Variants in ASIC2 observed in about 807,000 individuals in gnomAD.
ASIC2 encodes the protein acid sensing ion channel subunit 2.
Under a neutral mutation model 57.3 loss-of-function variants are expected in ASIC2, and 25 were observed. That is an observed-to-expected ratio of 0.44 (90% confidence interval 0.32 to 0.61). ASIC2 has a LOEUF of 0.61. Ranked by LOEUF, ASIC2 falls within the 20% of genes least tolerant of loss-of-function variation. The probability of loss-of-function intolerance (pLI) is 0.06; values close to 1 mark genes in which losing one functional copy is unlikely to be tolerated. For synonymous variants in ASIC2, 319 were observed against 307.5 expected, an observed-to-expected ratio of 1.04 and a Z score of -0.39; for missense variants, 641 against 738.1, an observed-to-expected ratio of 0.87 and a Z score of 1.52.
intron 1 of ASIC2, among the ~76,000 whole-genome samples, chr17:33,253,606 C>T (rs1908958544): frequency 1.3e-5 from 2 of 152,212 alleles, no homozygotes; most frequent in Admixed American, 1.3e-4. Context: ...CTAGCATTTG[C>T]TGGCAGATAG....
intron 1 of ASIC2, among the ~76,000 whole-genome samples, chr17:33,331,840 C>T (rs1907323064): frequency 6.6e-6 from 1 of 152,206 alleles, no homozygotes; most frequent in African/African-American, 2.4e-5. Context: ...CGTAGTCATT[C>T]TGCTAGAAGC....
chr17:34,054,096 T>A (rs1031491983), intron 1 of ASIC2, among the ~76,000 whole-genome samples: 1 of 152,262 alleles, frequency 6.6e-6, no homozygotes, highest in African/African-American at 2.4e-5. Flanking sequence ...AACCGTATGT[T>A]CTTTTCATGG....
chr17:34,088,300 G>A (rs1910186482), intron 1 of ASIC2, among the ~76,000 whole-genome samples: 1 of 152,314 alleles, frequency 6.6e-6, no homozygotes, highest in South Asian at 2.1e-4. Flanking sequence ...GTTTGCTAGA[G>A]GTCCACTCCA....
rs9747525 is a variant in ASIC2, at chr17:33,912,244, G to A, written c.555+243734C>T. Reference sequence around the variant, plus strand: ...TGTGGTGGCTCACGCCTGTAATCCCGGCGCATTGTAGGCTGAGGCATGTGG... The same window carrying A: ...TGTGGTGGCTCACGCCTGTAATCCCAGCGCATTGTAGGCTGAGGCATGTGG... On this transcript the variant is annotated intron_variant, in intron 1 of 9. Coordinates refer to the ASIC2 transcript ENST00000359872. Among the ~76,000 whole-genome samples, 1,370 of 151,152 alleles carry A rather than the reference G, an allele frequency of 9.1e-3. 23 individuals are homozygous for A. Among genetic ancestry groups the A allele is most frequent in the African/African-American group, 0.03 (1,238 of 41,196 alleles).
intron 1 of ASIC2, chr17:33,793,765 C>T (rs188137330): frequency 3.9e-5 from 6 of 152,284 alleles, no homozygotes; most frequent in Admixed American, 2.0e-4. Flanking sequence ...CTTCTATCTA[C>T]CAAGTCCGTG....
intron 3 of ASIC2, among the ~76,000 whole-genome samples, chr17:33,086,776 C>T (rs760664252): frequency 8.5e-5 from 13 of 152,150 alleles, no homozygotes; most frequent in Non-Finnish European, 1.5e-4. Context: ...GAATATAGGG[C>T]CCCTGTCTCC....
intron 1 of ASIC2, among the ~76,000 whole-genome samples, chr17:33,643,602 G>T (rs980894946): frequency 1.8e-4 from 27 of 152,148 alleles, no homozygotes; most frequent in Non-Finnish European, 1.0e-4. Context: ...TAGGAGAGTC[G>T]AAAAGAAAGA....
In ASIC2 at chr17:33,857,919, A is replaced by G. The variant is rs1292700733; in HGVS notation, c.555+298059T>C. On this transcript the variant is annotated intron_variant, in intron 1 of 9. Transcript: ENST00000359872. ...AACAGGACATGGACCAAGACCTATA[A>G]TGAGCAGACGCCTGTTCACAGTCAG... Among the ~76,000 whole-genome samples, 8 of 152,352 alleles carry G rather than the reference A, an allele frequency of 5.3e-5. No homozygotes were observed. In the East Asian group the frequency reaches 1.5e-3, roughly 29 times the overall value.
intron 1 of ASIC2, among the ~76,000 whole-genome samples, chr17:33,280,015 A>C (rs1340858982): frequency 6.6e-6 from 1 of 152,048 alleles, no homozygotes; most frequent in Non-Finnish European, 1.5e-5. Context: ...CTTTGTAGAG[A>C]TCTCAGCTAC....
intron 3 of ASIC2, among the ~76,000 whole-genome samples, chr17:33,065,482 A>G (rs1232411325): frequency 6.6e-6 from 1 of 151,796 alleles, no homozygotes. Context: ...GCTAATTTTT[A>G]TTTTTTATTT....
intron 1 of ASIC2, among the ~76,000 whole-genome samples, chr17:33,757,645 G>A (rs1910649751): frequency 6.6e-6 from 1 of 152,210 alleles, no homozygotes; most frequent in Non-Finnish European, 1.5e-5. Context: ...TGAGCCCCAT[G>A]TTTTATAGAA....
intron 1 of ASIC2, among the ~76,000 whole-genome samples, chr17:34,017,304 TAATC>T (rs933412470): frequency 1.1e-4 from 17 of 152,312 alleles, no homozygotes; most frequent in Admixed American, 8.5e-4. Context: ...ATGGCAAACT[TAATC>T]AATAAATGGT....
At chr17:33,651,580 C>T (rs1403460510) in intron 1 of ASIC2, among the ~76,000 whole-genome samples, 1 of 152,180 alleles carries the variant, frequency 6.6e-6, no homozygotes, top group Non-Finnish European at 1.5e-5. Flanking sequence ...CCTCAGAGAG[C>T]TTACTTATGC....
intron 1 of ASIC2, chr17:34,071,549 GC>G (rs1353122485): frequency 8.5e-5 from 13 of 152,246 alleles, no homozygotes; most frequent in African/African-American, 2.7e-4. Context: ...TCATTACTTA[GC>G]CGGGCTCGGT....
At chr17:33,050,846 A>C (rs1054412318) in intron 3 of ASIC2, among the ~76,000 whole-genome samples, 1 of 151,980 alleles carries the variant, frequency 6.6e-6, no homozygotes, top group Non-Finnish European at 1.5e-5. Flanking sequence ...GGGTGCAGGG[A>C]AGGTTGGACT....
chr17:33,875,478 G>C (rs1349102423), intron 1 of ASIC2, among the ~76,000 whole-genome samples: 1 of 152,138 alleles, frequency 6.6e-6, no homozygotes, highest in Non-Finnish European at 1.5e-5. Flanking sequence ...AATGAAAACA[G>C]AAGGTTTTTA....
intron 1 of ASIC2, among the ~76,000 whole-genome samples, chr17:33,218,557 G>T (rs1308192856): frequency 1.4e-5 from 2 of 145,970 alleles, no homozygotes; most frequent in African/African-American, 2.5e-5. Flanking sequence ...GCTGTGCCTG[G>T]TTCATAGGAC....
intron 1 of ASIC2, among the ~76,000 whole-genome samples, chr17:33,347,255 G>A (rs899021177): frequency 1.1e-4 from 17 of 152,228 alleles, no homozygotes; most frequent in African/African-American, 3.9e-4. Flanking sequence ...CATCTTTTCA[G>A]TATGGAAATC....
intron 1 of ASIC2, among the ~76,000 whole-genome samples, chr17:34,141,405 TA>T (rs1316248191): frequency 3.3e-5 from 5 of 152,226 alleles, no homozygotes; most frequent in African/African-American, 1.2e-4. Context: ...AAAAAAAGAA[TA>T]AAATTTAGCT....
Sources: allele counts gnomAD v4.1 joint callset (sites outside exome capture counted in the v4.1 genomes callset), GRCh38; gene constraint gnomAD v4.1.1; transcripts MANE v1.5; gene names NCBI Gene and HGNC (gene_info 2026-07-23, HGNC 2026-07-21).